CAPZB: variants seen among roughly 807,000 people sequenced by gnomAD.
The protein encoded by CAPZB is F-actin-capping protein subunit beta.
CAPZB carries 2 observed loss-of-function variants against 38.1 expected under a neutral mutation model. The observed-to-expected ratio is 0.05, with a 90% confidence interval of 0.02 to 0.17. The LOEUF (loss-of-function observed/expected upper bound fraction) is 0.17, where lower values mean the gene tolerates loss of function less well. CAPZB is among the 10% of genes least tolerant of loss of function. CAPZB has a pLI of 1.00. For missense variants in CAPZB, 161 were observed against 334.2 expected (o/e 0.48, Z 4.04); for synonymous variants, 107 against 127.4 (o/e 0.84, Z 1.08).
At chr1:19,422,326 G>T (rs902578283) in intron 1 of CAPZB, among the ~76,000 whole-genome samples, 2 of 152,116 alleles carry the variant, frequency 1.3e-5, no homozygotes, top group Non-Finnish European at 2.9e-5. Flanking sequence ...GAATCACCCG[G>T]CCCAAACGTT....
chr1:19,342,625 C>T (rs1158475406), intron 8 of CAPZB: 10 of 669,752 alleles, frequency 1.5e-5, no homozygotes, highest in African/African-American at 8.8e-5. Flanking sequence ...GTGCACCGAC[C>T]GGGAGCACAC....
At chr1:19,459,096 C>T (rs2094542312) in intron 1 of CAPZB, among the ~76,000 whole-genome samples, 1 of 152,206 alleles carries the variant, frequency 6.6e-6, no homozygotes, top group Non-Finnish European at 1.5e-5. Flanking sequence ...CTTCCAAAGG[C>T]CTCCTCCACC....
chr1:19,460,994 C>G (rs2094549627), intron 1 of CAPZB, among the ~76,000 whole-genome samples: 1 of 151,544 alleles, frequency 6.6e-6, no homozygotes, highest in African/African-American at 2.4e-5. Context: ...CTACTGAGCT[C>G]AGCCTCCCTC....
chr1:19,469,745 C>T (rs944313943), intron 1 of CAPZB, among the ~76,000 whole-genome samples: 11 of 105,930 alleles, frequency 1.0e-4, no homozygotes, highest in African/African-American at 3.9e-4. Flanking sequence ...AAAGAATACA[C>T]ACACACACAC....
intron 2 of CAPZB, among the ~76,000 whole-genome samples, chr1:19,402,426 C>T (rs538762217): frequency 1.2e-4 from 18 of 152,340 alleles, no homozygotes; most frequent in African/African-American, 4.1e-4. Context: ...GATCTCTGTC[C>T]CTTACCCATC....
chr1:19,414,510 C>T (rs540474550), intron 2 of CAPZB, among the ~76,000 whole-genome samples: 2 of 152,136 alleles, frequency 1.3e-5, no homozygotes, highest in Non-Finnish European at 2.9e-5. Flanking sequence ...CTTAGGACAA[C>T]TGTAAGAAAG....
chr1:19,420,438 A>C (rs2094396826), intron 1 of CAPZB, among the ~76,000 whole-genome samples: 1 of 152,144 alleles, frequency 6.6e-6, no homozygotes, highest in African/African-American at 2.4e-5. Context: ...TTTTTTAAAG[A>C]TAGGGTCTTG....
chr1:19,413,932 T>C (rs1025649286), intron 2 of CAPZB, among the ~76,000 whole-genome samples: 6 of 152,322 alleles, frequency 3.9e-5, no homozygotes, highest in African/African-American at 1.4e-4. Flanking sequence ...GCTTTGACTA[T>C]TAAAGACTGA....
At chr1:19,474,744 C>G (rs1371626321) in intron 1 of CAPZB, among the ~76,000 whole-genome samples, 1 of 152,072 alleles carries the variant, frequency 6.6e-6, no homozygotes, top group Non-Finnish European at 1.5e-5. Context: ...TTGAGGGGGT[C>G]GTGCGGGTGA....
chr1:19,448,735 A>G, intron 1 of CAPZB: 2 of 1,424,618 alleles, frequency 1.4e-6, no homozygotes, highest in Non-Finnish European at 1.9e-6. Flanking sequence ...CAGCTTTGCT[A>G]TTTACTTCTC....
At chr1:19,471,780 T>G (rs1022263643) in intron 1 of CAPZB, among the ~76,000 whole-genome samples, 5 of 148,896 alleles carry the variant, frequency 3.4e-5, no homozygotes, top group Admixed American at 1.4e-4. Flanking sequence ...GACAGGAGAA[T>G]GGCGTGAACC....
chr1:19,386,352 C>G (rs536063014), intron 2 of CAPZB, among the ~76,000 whole-genome samples: 3 of 152,354 alleles, frequency 2.0e-5, no homozygotes, highest in Admixed American at 1.3e-4. Flanking sequence ...ACTCAAACAT[C>G]AATTTCTACC....
intron 1 of CAPZB, among the ~76,000 whole-genome samples, chr1:19,458,576 T>TA (rs1237458041): frequency 6.6e-6 from 1 of 152,180 alleles, no homozygotes; most frequent in African/African-American, 2.4e-5. Flanking sequence ...GGCTGGTCTT[T>TA]AACTCCTGAC....
intron 4 of CAPZB, among the ~76,000 whole-genome samples, chr1:19,359,154 CA>C (rs757072113): frequency 7.0e-6 from 1 of 143,076 alleles, no homozygotes; most frequent in East Asian, 2.1e-4. Context: ...TATTATATAA[CA>C]AAAAATACAC....
At chr1:19,374,955 G>C (rs1397098284) in intron 4 of CAPZB, among the ~76,000 whole-genome samples, 1 of 152,086 alleles carries the variant, frequency 6.6e-6, no homozygotes, top group Non-Finnish European at 1.5e-5. Context: ...TCCACCCCAT[G>C]GAACAGCCTG....
At chr1:19,460,086 T>G (rs1406099682) in intron 1 of CAPZB, among the ~76,000 whole-genome samples, 1 of 152,196 alleles carries the variant, frequency 6.6e-6, no homozygotes, top group Non-Finnish European at 1.5e-5. Context: ...AAAAACTGTA[T>G]GCTGAGGTTA....
chr1:19,423,742 T>C (rs899979020), intron 1 of CAPZB, among the ~76,000 whole-genome samples: 10 of 151,870 alleles, frequency 6.6e-5, no homozygotes, highest in Middle Eastern at 3.4e-3. Context: ...GGCTGGAGTA[T>C]AGTAGCACAA....
intron 1 of CAPZB, among the ~76,000 whole-genome samples, chr1:19,474,967 G>A (rs2094601932): frequency 6.6e-6 from 1 of 152,176 alleles, no homozygotes; most frequent in African/African-American, 2.4e-5. Context: ...GCCCAGAACT[G>A]ACAAGGACCT....
At chr1:19,439,336 T>C (rs2094468229) in intron 1 of CAPZB, among the ~76,000 whole-genome samples, 1 of 152,270 alleles carries the variant, frequency 6.6e-6, no homozygotes, top group Admixed American at 6.5e-5. Flanking sequence ...TGTACATTTG[T>C]ACTCATATGG....
Sources: gnomAD v4.1 joint callset for allele counts (sites outside exome capture counted in the v4.1 genomes callset) on GRCh38, gnomAD v4.1.1 for gene constraint, MANE v1.5 for transcripts, NCBI Gene and HGNC (gene_info 2026-07-23, HGNC 2026-07-21) for gene names.